Variants in ASAP1 observed in about 807,000 individuals in gnomAD.
ASAP1 encodes ArfGAP with SH3 domain, ankyrin repeat and PH domain 1, also known as arf-GAP with SH3 domain, ANK repeat and PH domain-containing protein 1.
In ASAP1, 43 loss-of-function variants were observed where a neutral mutation model predicts 145.2. That is an observed-to-expected ratio of 0.30 (90% CI 0.23 to 0.38). ASAP1 has a LOEUF of 0.38. Among genes scored for constraint, ASAP1 ranks in the 10% least tolerant of loss-of-function variants. ASAP1 has a pLI of 1.00. For synonymous variants in ASAP1, 546 were observed against 515.5 expected, an observed-to-expected ratio of 1.06 and a Z score of -0.80; for missense variants, 1,018 against 1,355.3, an observed-to-expected ratio of 0.75 and a Z score of 3.91.
intron 12 of ASAP1, 97 bp from the exon 13 acceptor site, chr8:130,152,902 T>G (rs1386362412): frequency 1.0e-6 from 1 of 955,808 alleles, no homozygotes; most frequent in African/African-American, 1.7e-5. Context: ...ACAAAATAAC[T>G]TCCCCAAACC....
At chr8:130,385,295 G>C (rs188110382) in intron 2 of ASAP1, among the ~76,000 whole-genome samples, 1 of 152,102 alleles carries the variant, frequency 6.6e-6, no homozygotes, top group African/African-American at 2.4e-5. Flanking sequence ...GTGAAACCCC[G>C]TCTCCACTAA....
At chr8:130,339,824 T>C (rs1825266385) in intron 3 of ASAP1, among the ~76,000 whole-genome samples, 1 of 152,178 alleles carries the variant, frequency 6.6e-6, no homozygotes, top group African/African-American at 2.4e-5. Flanking sequence ...AGGCTCCTTC[T>C]GGCTCTAAAA....
chr8:130,075,370 G>C (rs2097459990), intron 27 of ASAP1, among the ~76,000 whole-genome samples: 2 of 152,216 alleles, frequency 1.3e-5, no homozygotes, highest in South Asian at 4.1e-4. Context: ...GCTCTTCAAA[G>C]TGTGTTACTT....
intron 2 of ASAP1, among the ~76,000 whole-genome samples, chr8:130,362,080 G>A (rs1339873841): frequency 6.6e-6 from 1 of 152,154 alleles, no homozygotes; most frequent in African/African-American, 2.4e-5. Flanking sequence ...GAACAGTGGT[G>A]GCTTATTCTT....
At chr8:130,054,904 T>A in intron 29 of ASAP1, 99 bp from the exon 30 acceptor site, 1 of 925,300 alleles carries the variant, frequency 1.1e-6, no homozygotes. Context: ...CCCACAGACC[T>A]GGCGGTGGAA....
At chr8:130,067,360 C>T (rs1474460383) in intron 27 of ASAP1, among the ~76,000 whole-genome samples, 1 of 152,088 alleles carries the variant, frequency 6.6e-6, no homozygotes, top group Non-Finnish European at 1.5e-5. Context: ...GGGACCATTC[C>T]CTAAAGGAAC....
intron 3 of ASAP1, among the ~76,000 whole-genome samples, chr8:130,347,172 G>A (rs1184516213): frequency 2.0e-5 from 3 of 152,188 alleles, no homozygotes; most frequent in Non-Finnish European, 4.4e-5. Context: ...ATTATTCAAG[G>A]AGCACCATGC....
intron 2 of ASAP1, among the ~76,000 whole-genome samples, chr8:130,390,019 T>TA (rs550734277): frequency 1.4e-3 from 218 of 152,344 alleles, no homozygotes; most frequent in African/African-American, 4.9e-3. Flanking sequence ...TGGTGGTTGT[T>TA]AAAATGCAGG....
intron 5 of ASAP1, among the ~76,000 whole-genome samples, chr8:130,214,039 T>C (rs138983718): frequency 5.5e-4 from 84 of 152,324 alleles, no homozygotes; most frequent in African/African-American, 2.0e-3. Flanking sequence ...AAAACCCTTT[T>C]CTTGGTTGGG....
chr8:130,126,467 G>A (rs1416249889), intron 16 of ASAP1, among the ~76,000 whole-genome samples: 2 of 152,094 alleles, frequency 1.3e-5, no homozygotes, highest in Non-Finnish European at 1.5e-5. Context: ...TAACCTCCAA[G>A]TTGCAACTAA....
At chr8:130,175,695 G>A (rs915362373) in intron 9 of ASAP1, among the ~76,000 whole-genome samples, 1 of 151,998 alleles carries the variant, frequency 6.6e-6, no homozygotes, top group Admixed American at 6.5e-5. Flanking sequence ...TTGGTTTCCT[G>A]TGCTTACTTT....
chr8:130,156,628 G>A (rs1411863188), intron 12 of ASAP1, among the ~76,000 whole-genome samples: 1 of 152,232 alleles, frequency 6.6e-6, no homozygotes, highest in African/African-American at 2.4e-5. Context: ...AGTGATAACA[G>A]CAGCAGTGGC....
At position 130,224,383 on chromosome 8, in the gene ASAP1, A is replaced by G. The variant is rs1005196189; in HGVS notation, c.260-9682T>C. Among the ~76,000 whole-genome samples the G allele has an allele frequency of 2.0e-5, 3 of 152,266 alleles. No homozygotes were observed. The South Asian group carries it at 6.2e-4, about 32-fold the overall frequency. On this transcript the variant is annotated intron_variant, in intron 4 of 29. Coordinates refer to ENST00000518721, the MANE Select transcript of ASAP1 (RefSeq NM_018482.4). ...TCACACTTATAAAATATTTAATTCT[A>G]TTTGTTTTTAAAATTATATAAGTAA...
At chr8:130,081,510 T>C (rs1320430264) in intron 25 of ASAP1, among the ~76,000 whole-genome samples, 1 of 152,078 alleles carries the variant, frequency 6.6e-6, no homozygotes, top group Admixed American at 6.6e-5. Context: ...TAGAAGACTA[T>C]AATACTGCCT....
chr8:130,349,903 C>A (rs2138034329), intron 3 of ASAP1, among the ~76,000 whole-genome samples: 1 of 152,302 alleles, frequency 6.6e-6, no homozygotes, highest in African/African-American at 2.4e-5. Flanking sequence ...AAACCTTACT[C>A]ATGTTTAAGT....
intron 11 of ASAP1, among the ~76,000 whole-genome samples, chr8:130,162,039 ATTCTCCTACT>A (rs772238011): frequency 4.9e-4 from 75 of 152,236 alleles, no homozygotes; most frequent in Non-Finnish European, 9.9e-4. Context: ...GACACAAGCA[ATTCTCCTACT>A]TTGGCCTTCC....
intron 1 of ASAP1, among the ~76,000 whole-genome samples, chr8:130,408,227 A>G (rs745584150): frequency 3.0e-4 from 45 of 152,224 alleles, no homozygotes; most frequent in Non-Finnish European, 5.4e-4. Context: ...ATGCCCAGAT[A>G]GCTGGTAAAA....
chr8:130,054,285 A>C lies in ASAP1; in HGVS notation c.*446T>G, dbSNP rs1218328437. ...TACAGGCTGGTCTGTCATGGAGCTA[A>C]AAGTTTCACCTGGAAAACAGAACCC... On this transcript the variant is annotated 3_prime_UTR_variant, in exon 30 of 30. Transcript: ENST00000518721. 6.0e-6 allele frequency: 1 copy of C among 167,848 alleles called. No individual in the cohort carries two copies. Among genetic ancestry groups the C allele is most frequent in the African/African-American group, 2.4e-5 (1 of 42,170 alleles). 10.4% of individuals were successfully genotyped at this position (167,848 alleles called of 1,614,324 possible). A position where few individuals can be genotyped will look rare whatever the true frequency, so the allele number is the denominator to read the frequency against.
intron 2 of ASAP1, among the ~76,000 whole-genome samples, chr8:130,373,421 GA>G (rs1827324148): frequency 6.6e-6 from 1 of 152,158 alleles, no homozygotes; most frequent in Non-Finnish European, 1.5e-5. Context: ...AGGAAGGGAG[GA>G]AAATGTACCA....
Sources: allele counts gnomAD v4.1 joint callset (sites outside exome capture counted in the v4.1 genomes callset), GRCh38; gene constraint gnomAD v4.1.1; transcripts MANE v1.5; gene names NCBI Gene and HGNC (gene_info 2026-07-23, HGNC 2026-07-21).